The following CHRNA3 variants were observed in gnomAD, a reference collection of about 807,000 sequenced individuals.
CHRNA3 encodes the protein cholinergic receptor nicotinic alpha 3 subunit, also known as neuronal acetylcholine receptor subunit alpha-3.
Under a neutral mutation model 41.9 loss-of-function variants are expected in CHRNA3, and 34 were observed. The ratio of observed to expected loss-of-function variants is 0.81; its 90% CI spans 0.62 to 1.08. CHRNA3 has a LOEUF of 1.08. Among genes scored for constraint, CHRNA3 ranks in the 50% least tolerant of loss-of-function variants. CHRNA3 has a pLI of 0.00. For missense variants in CHRNA3, 542 were observed against 638.3 expected (o/e 0.85, Z 1.63); for synonymous variants, 281 against 265.2 (o/e 1.06, Z -0.58).
At position 78,595,441 on chromosome 15, in the gene CHRNA3, T is replaced by A; in HGVS notation, c.*1163A>T. ...GTGTAGTACATGATACTCTTAACAA[T>A]TTGTCTAAAGCAATGTTTCTCAACC... On this transcript the variant is annotated 3_prime_UTR_variant, in exon 6 of 6. Transcript: ENST00000326828. 1 of 984,808 alleles carries A rather than the reference T, an allele frequency of 1.0e-6. No individual in the cohort carries two copies. Among genetic ancestry groups the A allele is most frequent in the Non-Finnish European group, 1.2e-6 (1 of 829,376 alleles). The allele number at this position is 984,808 out of a possible 1,614,324, so 61.0% of individuals were successfully genotyped here.
intron 3 of CHRNA3, 120 bp from the exon 4 acceptor site, chr15:78,617,253 C>T: frequency 1.5e-6 from 1 of 655,970 alleles, no homozygotes; most frequent in Non-Finnish European, 2.7e-6. Flanking sequence ...CGAACCACAT[C>T]CATGCCATGA....
chr15:78,597,766 T>C (rs1002394656), intron 5 of CHRNA3, among the ~76,000 whole-genome samples: 13 of 151,708 alleles, frequency 8.6e-5, no homozygotes, highest in African/African-American at 2.7e-4. Flanking sequence ...GAAGCCATAA[T>C]TGAATTGAGA....
chr15:78,600,623 T>G (rs1315704905), intron 5 of CHRNA3, among the ~76,000 whole-genome samples: 1 of 152,162 alleles, frequency 6.6e-6, no homozygotes, highest in Admixed American at 6.6e-5. Flanking sequence ...GGCTCATGCC[T>G]GTAGTCCCAG....
chr15:78,598,398 C>CTTT (rs200918569), intron 5 of CHRNA3, among the ~76,000 whole-genome samples: 2 of 144,750 alleles, frequency 1.4e-5, no homozygotes, highest in Non-Finnish European at 3.0e-5. Flanking sequence ...AATTTTATAT[C>CTTT]TTTTTTTTTT....
chr15:78,595,242 GATT>G (rs2053082655), downstream of CHRNA3: 1 of 968,290 alleles, frequency 1.0e-6, no homozygotes, highest in African/African-American at 1.8e-5. Flanking sequence ...TGTTACTTAT[GATT>G]TTTATATATA....
chr15:78,607,594 C>G (rs1413122880), intron 4 of CHRNA3: 1 of 151,416 alleles, frequency 6.6e-6, no homozygotes, highest in African/African-American at 2.5e-5. Context: ...CGGGTGGAGC[C>G]AAAATGGCCA....
At chr15:78,600,755 G>A (rs960344213) in intron 5 of CHRNA3, among the ~76,000 whole-genome samples, 2 of 151,826 alleles carry the variant, frequency 1.3e-5, no homozygotes, top group African/African-American at 2.4e-5. Context: ...TGTAGTTCAA[G>A]CTACTCGGGA....
chr15:78,611,845 T>G (rs1022082050), intron 4 of CHRNA3, among the ~76,000 whole-genome samples: 1 of 152,096 alleles, frequency 6.6e-6, no homozygotes, highest in African/African-American at 2.4e-5. Flanking sequence ...CAAAATCTCC[T>G]TAAGCTGATA....
intron 4 of CHRNA3, among the ~76,000 whole-genome samples, chr15:78,612,095 T>C (rs1419280562): frequency 1.3e-5 from 2 of 152,112 alleles, no homozygotes; most frequent in African/African-American, 2.4e-5. Context: ...GAACATTCCA[T>C]GCTCATGGGT....
intron 4 of CHRNA3, among the ~76,000 whole-genome samples, chr15:78,603,144 G>C (rs554946097): frequency 1.3e-5 from 2 of 152,252 alleles, no homozygotes; most frequent in East Asian, 1.9e-4. Context: ...CTCCTGAGTA[G>C]CTGGAATTAT....
chr15:78,596,519 T>TAAC lies in CHRNA3; in HGVS notation c.*82_*84dup. 1 of 1,350,444 alleles carries TAAC rather than the reference T, an allele frequency of 7.4e-7. No individual in the cohort carries two copies. The highest frequency in any genetic ancestry group is 2.4e-5 in the South Asian group (1 of 40,942). The allele number at this position is 1,350,444 out of a possible 1,614,324, so 83.7% of individuals were successfully genotyped here. A position where few individuals can be genotyped will look rare whatever the true frequency, so the allele number is the denominator to read the frequency against. On this transcript the variant is annotated 3_prime_UTR_variant, in exon 6 of 6. Transcript: ENST00000326828. ...GCCAAAAACAAAGCTGGTAGCTTGATAACAGAAAGTACGTTCTTACTAGGA... is the reference window on the plus strand; with the variant it reads ...GCCAAAAACAAAGCTGGTAGCTTGATAACAACAGAAAGTACGTTCTTACTAGGA...
Position 78,620,742 on chromosome 15 carries a change from AG to A in CHRNA3, c.52del (p.Leu18CysfsTer36). 1 of 1,499,918 alleles carries A rather than the reference AG, an allele frequency of 6.7e-7. No homozygotes were observed. Among genetic ancestry groups the A allele is most frequent in the Non-Finnish European group, 8.8e-7 (1 of 1,131,240 alleles). The allele number at this position is 1,499,918 out of a possible 1,614,324, so 92.9% of individuals were successfully genotyped here. The stretch of plus-strand genomic sequence containing the variant: ...CAGCAGAGACAGCAGCAGCAGCAGC[AG>A]CAGCCGCGGCGGCGACAGCGCCAGG... ...LPLALSPPRL[L>X]LLLLLSLLPV... On this transcript the variant is annotated frameshift_variant, in exon 1 of 6. Transcript: ENST00000326828. LOFTEE classifies it high-confidence loss of function.
chr15:78,610,868 A>G (rs1275985685), intron 4 of CHRNA3, among the ~76,000 whole-genome samples: 5 of 152,250 alleles, frequency 3.3e-5, no homozygotes, highest in Non-Finnish European at 7.3e-5. Flanking sequence ...AATAGATGCA[A>G]TAAAAATTGA....
At position 78,596,406 on chromosome 15, in the gene CHRNA3, A is replaced by C; in HGVS notation, c.*198T>G. On this transcript the variant is annotated 3_prime_UTR_variant, in exon 6 of 6. Coordinates refer to ENST00000326828, the MANE Select transcript of CHRNA3 (RefSeq NM_000743.5). ...CTTTACCATACCAAAAAGGCTAGTT[A>C]AATGTTCATTTATCGGTAATAAATA... The C allele has an allele frequency of 8.0e-7, 1 of 1,251,412 alleles. No individual in the cohort carries two copies. Among genetic ancestry groups the C allele is most frequent in the Non-Finnish European group, 1.0e-6 (1 of 998,100 alleles). The allele number at this position is 1,251,412 out of a possible 1,614,324, so 77.5% of individuals were successfully genotyped here.
At chr15:78,602,396 A>G (rs1339612493) in intron 4 of CHRNA3, 132 bp from the exon 5 acceptor site, 1 of 1,012,328 alleles carries the variant, frequency 9.9e-7, no homozygotes, top group Non-Finnish European at 1.4e-6. Flanking sequence ...AAGTGCCATA[A>G]AAGGTCACCC....
intron 5 of CHRNA3, 92 bp downstream of exon 5, chr15:78,601,161 T>C: frequency 1.5e-6 from 2 of 1,346,440 alleles, no homozygotes; most frequent in Non-Finnish European, 2.1e-6. Flanking sequence ...GGGCAATTTC[T>C]TAACCCCCTA....
chr15:78,597,538 C>T (rs377302916), intron 5 of CHRNA3, among the ~76,000 whole-genome samples: 6 of 152,310 alleles, frequency 3.9e-5, no homozygotes, highest in South Asian at 2.1e-4. Context: ...GCCCTCTCCA[C>T]GATGCCCAGC....
At chr15:78,611,790 G>A (rs1470484384) in intron 4 of CHRNA3, among the ~76,000 whole-genome samples, 1 of 151,962 alleles carries the variant, frequency 6.6e-6, no homozygotes, top group East Asian at 1.9e-4. Flanking sequence ...GTCCCTGTTT[G>A]CAGATGACAT....
Position 78,620,955 on chromosome 15 carries a change from C to T in CHRNA3, c.-161G>A, listed in dbSNP as rs902714995. ...CTCCGCTTCGCCGCCGCTGGGTTTC[C>T]AGCGCCCTCGGACCCGCGGGAGGAC... On this transcript the variant is annotated 5_prime_UTR_variant, in exon 1 of 6. The change creates a premature stop within an existing upstream ORF in the 5' untranslated region. Coordinates refer to ENST00000326828, the MANE Select transcript of CHRNA3 (RefSeq NM_000743.5). The T allele has an allele frequency of 1.4e-5, 15 of 1,040,856 alleles. No individual in the cohort carries two copies. Among genetic ancestry groups the T allele is most frequent in the African/African-American group, 3.4e-5 (2 of 59,426 alleles). The allele number at this position is 1,040,856 out of a possible 1,614,324, so 64.5% of individuals were successfully genotyped here. A position where few individuals can be genotyped will look rare whatever the true frequency, so the allele number is the denominator to read the frequency against.
Sources: gnomAD v4.1 joint callset for allele counts (sites outside exome capture counted in the v4.1 genomes callset) on GRCh38, gnomAD v4.1.1 for gene constraint, MANE v1.5 for transcripts, NCBI Gene and HGNC (gene_info 2026-07-23, HGNC 2026-07-21) for gene names.